The following WDR19 variants were observed in gnomAD, a reference collection of about 807,000 sequenced individuals.
The protein encoded by WDR19 is WD repeat domain 19, also known as WD repeat-containing protein 19.
WDR19 carries 121 observed loss-of-function variants against 180.0 expected under a neutral mutation model. The observed-to-expected ratio is 0.67, with a 90% confidence interval of 0.58 to 0.78. WDR19 has a LOEUF of 0.78. Among genes scored for constraint, WDR19 ranks in the 30% least tolerant of loss-of-function variants. The probability of loss-of-function intolerance (pLI) is 0.00; values close to 1 mark genes in which losing one functional copy is unlikely to be tolerated. For missense variants in WDR19, 1,450 were observed against 1,640.7 expected, an observed-to-expected ratio of 0.88 and a Z score of 2.01; for synonymous variants, 497 against 540.7, an observed-to-expected ratio of 0.92 and a Z score of 1.12.
intron 34 of WDR19, among the ~76,000 whole-genome samples, chr4:39,277,913 G>A (rs1214780578): frequency 6.6e-6 from 1 of 152,154 alleles, no homozygotes; most frequent in African/African-American, 2.4e-5. Flanking sequence ...AATTAGCCAA[G>A]CATGGTGGCG....
intron 29 of WDR19, 88 bp downstream of exon 29, chr4:39,266,228 TA>T (rs1734780097): frequency 8.0e-7 from 1 of 1,243,938 alleles, no homozygotes; most frequent in Admixed American, 2.8e-5. Flanking sequence ...TTTTACAACA[TA>T]GACATGAAAA....
At chr4:39,203,547 A>C in intron 6 of WDR19, 95 bp from the exon 7 acceptor site, 2 of 1,019,242 alleles carry the variant, frequency 2.0e-6, no homozygotes. Context: ...GTCCAACATT[A>C]GTCAGGAATG....
At chr4:39,233,565 G>A (rs1007791899) in intron 19 of WDR19, among the ~76,000 whole-genome samples, 1 of 152,086 alleles carries the variant, frequency 6.6e-6, no homozygotes, top group Admixed American at 6.5e-5. Context: ...CCTAAAACTG[G>A]CATTTCTACA....
At chr4:39,204,520 A>G (rs1300170438) in intron 7 of WDR19, among the ~76,000 whole-genome samples, 2 of 152,242 alleles carry the variant, frequency 1.3e-5, no homozygotes, top group African/African-American at 4.8e-5. Context: ...AAAACCTATT[A>G]AATTGATAGT....
At position 39,216,187 on chromosome 4, in the gene WDR19, G is replaced by C; in HGVS notation, c.1226G>C (p.Trp409Ser). 1 of 1,576,254 alleles carries C rather than the reference G, an allele frequency of 6.3e-7. No homozygotes were observed. Among genetic ancestry groups the C allele is most frequent in the Non-Finnish European group, 8.6e-7 (1 of 1,161,382 alleles). Residue 409 changes from tryptophan to serine, a missense_variant, in exon 12 of 37, where the codon TGG (tryptophan) becomes TCG (serine). Physicochemically the swap from Trp to Ser is radical, Grantham distance 177. Transcript: ENST00000399820. ...HLAVGMNNRA[W>S]FYVLGENAVK... ...GCTGTAGGAATGAATAATCGAGCTT[G>C]GTTTTATGTCCTTGGAGAAAATGGC...
chr4:39,207,560 A>G (rs1728081470), intron 9 of WDR19, among the ~76,000 whole-genome samples: 1 of 152,236 alleles, frequency 6.6e-6, no homozygotes, highest in Non-Finnish European at 1.5e-5. Context: ...GGATTTTCTC[A>G]CCGTAAAGCA....
At chr4:39,261,736 A>G (rs771537598) in intron 28 of WDR19, among the ~76,000 whole-genome samples, 3 of 152,250 alleles carry the variant, frequency 2.0e-5, no homozygotes, top group Non-Finnish European at 4.4e-5. Flanking sequence ...AGACAAAATT[A>G]TGGATGTCCC....
intron 30 of WDR19, among the ~76,000 whole-genome samples, chr4:39,269,512 T>G (rs1319848770): frequency 1.3e-5 from 2 of 152,184 alleles, no homozygotes; most frequent in East Asian, 1.9e-4. Flanking sequence ...CCACCATTTT[T>G]CACCAGAGCA....
chr4:39,278,514 C>A, intron 35 of WDR19, 25 bp from the exon 36 acceptor site: 1 of 1,565,326 alleles, frequency 6.4e-7, no homozygotes, highest in Non-Finnish European at 8.7e-7. Context: ...ATTTAATTTA[C>A]TCTGCCTTTC....
chr4:39,237,400 GA>G (rs1035476550), intron 20 of WDR19, among the ~76,000 whole-genome samples: 10 of 146,612 alleles, frequency 6.8e-5, no homozygotes, highest in Non-Finnish European at 1.2e-4. Flanking sequence ...TCTCTACAAA[GA>G]AAAAAAAAAG....
intron 3 of WDR19, among the ~76,000 whole-genome samples, chr4:39,189,026 G>A (rs1049886044): frequency 3.9e-5 from 6 of 151,920 alleles, no homozygotes; most frequent in African/African-American, 7.3e-5. Context: ...AGGTTCAAGC[G>A]ATTCTCCTGC....
intron 24 of WDR19, among the ~76,000 whole-genome samples, chr4:39,251,222 G>C (rs1486058739): frequency 1.3e-5 from 2 of 152,126 alleles, no homozygotes; most frequent in African/African-American, 4.8e-5. Flanking sequence ...ACAACTATCT[G>C]ATCTTTGACA....
intron 17 of WDR19, among the ~76,000 whole-genome samples, chr4:39,230,510 C>T (rs1730729219): frequency 6.6e-6 from 1 of 152,144 alleles, no homozygotes; most frequent in Admixed American, 6.5e-5. Context: ...CCTCATTTTC[C>T]TAATCTATAA....
At chr4:39,258,633 G>T (rs913856009) in intron 28 of WDR19, among the ~76,000 whole-genome samples, 4 of 152,100 alleles carry the variant, frequency 2.6e-5, no homozygotes, top group Admixed American at 2.6e-4. Context: ...GTTTTATTGG[G>T]TATATATCCA....
intron 25 of WDR19, 143 bp downstream of exon 25, chr4:39,253,435 C>T: frequency 1.0e-6 from 1 of 957,880 alleles, no homozygotes. Flanking sequence ...AATTCAAAGG[C>T]TGTCGTGGTC....
intron 9 of WDR19, among the ~76,000 whole-genome samples, chr4:39,211,568 G>A (rs1021500506): frequency 6.6e-6 from 1 of 152,170 alleles, no homozygotes; most frequent in Non-Finnish European, 1.5e-5. Context: ...GAGCAAGATT[G>A]TAGGATATAA....
rs1324193132 is a variant in WDR19, at chr4:39,274,914, C to T, written c.3672C>T (p.Ser1224=). The T allele has an allele frequency of 1.2e-6, 2 of 1,613,894 alleles. No homozygotes were observed. The highest frequency in any genetic ancestry group is 1.7e-6 in the Non-Finnish European group (2 of 1,179,896). The change falls in exon 33 of 37, where the codon AGC becomes AGT. Residue 1224 remains serine (S), a synonymous_variant. Transcript: ENST00000399820. ...TGTTGATGAGGCCTGAATACCGCAG[C>T]AAAATAGATGCCAAATACAAAAAGA... ...AAMLMRPEYR[S]KIDAKYKKKI...
chr4:39,246,191 T>C (rs956634766), intron 24 of WDR19, among the ~76,000 whole-genome samples: 16 of 152,204 alleles, frequency 1.1e-4, no homozygotes, highest in African/African-American at 3.6e-4. Flanking sequence ...AAAATGTGCT[T>C]ATATTACACA....
chr4:39,274,565 G>A (rs1735709424), intron 32 of WDR19: 5 of 481,694 alleles, frequency 1.0e-5, no homozygotes, highest in East Asian at 9.9e-5. Flanking sequence ...CTCAAGGGGT[G>A]CAGGTCCTAG....
Sources: allele counts gnomAD v4.1 joint callset (sites outside exome capture counted in the v4.1 genomes callset), GRCh38; gene constraint gnomAD v4.1.1; transcripts MANE v1.5; gene names NCBI Gene and HGNC (gene_info 2026-07-23, HGNC 2026-07-21).